The following NPPB variants were observed in gnomAD, a reference collection of about 807,000 sequenced individuals.
NPPB encodes the protein natriuretic peptides B.
NPPB carries 13 observed loss-of-function variants against 12.7 expected under a neutral mutation model. That is an observed-to-expected ratio of 1.03 (90% CI 0.67 to 1.63). The LOEUF is 1.63. Ranked by LOEUF, NPPB falls within the 40% of genes most tolerant of loss-of-function variation. The probability of loss-of-function intolerance (pLI) is 0.00; values close to 1 mark genes in which losing one functional copy is unlikely to be tolerated. For synonymous variants in NPPB, 66 were observed against 74.7 expected (o/e 0.88, Z 0.60); for missense variants, 184 against 172.9 (o/e 1.06, Z -0.36).
chr1:11,858,387 C>G lies in NPPB; in HGVS notation c.215G>C (p.Arg72Pro), dbSNP rs61761991. The G allele has an allele frequency of 2.5e-6, 4 of 1,598,684 alleles. No homozygotes were observed. The Admixed American group carries it at 5.2e-5, about 21-fold the overall frequency. Residue 72 changes from arginine (R) to proline (P), a missense_variant, in exon 2 of 3, where the codon CGT becomes CCT. Physicochemically the swap from Arg to Pro is moderately radical, Grantham distance 103. Transcript: ENST00000376468. ...CCGGGACTTCCAGACACCTGTGGGA[C>G]GGGGGCTCTCCTGGAGGGGCTCCAG... ...TSLEPLQESP[R>P]PTGVWKSREV... is the part of the protein sequence containing the mutation.
At chr1:11,858,181 G>A (rs376156887) in intron 2 of NPPB, 33 bp downstream of exon 2, 5 of 1,562,534 alleles carry the variant, frequency 3.2e-6, no homozygotes, top group Non-Finnish European at 4.3e-6. Flanking sequence ...ACTGGAATGG[G>A]GGAAGGCGGC....
In NPPB at chr1:11,858,346, C is replaced by A; in HGVS notation, c.256G>T (p.Gly86Cys). The change falls in exon 2 of 3, where the codon GGC becomes TGC. Residue 86 changes from glycine (G) to cysteine (C), a missense_variant. Transcript: ENST00000376468. ...VWKSREVATE[G>C]IRGHRKMVLY... ...ACCATTTTGCGGTGCCCACGGATGC[C>A]CTCGGTGGCTACCTCCCGGGACTTC... 1 of 1,612,218 alleles carries A rather than the reference C, an allele frequency of 6.2e-7. No homozygotes were observed. The highest frequency in any genetic ancestry group is 1.7e-4 in the Middle Eastern group (1 of 6,058).
In NPPB at chr1:11,857,603, G is replaced by A. The variant is rs1440441660; in HGVS notation, c.*52C>T. The A allele has an allele frequency of 1.3e-6, 2 of 1,599,990 alleles. No homozygotes were observed. The highest frequency in any genetic ancestry group is 1.7e-6 in the Non-Finnish European group (2 of 1,167,340). ...CTTCAAAGGCGGCCACAGGGTTGAG[G>A]AAAAAGCCCCTTGTGGAATCAGAAG... On this transcript the variant is annotated 3_prime_UTR_variant, in exon 3 of 3. Coordinates refer to ENST00000376468, the MANE Select transcript of NPPB (RefSeq NM_002521.3).
At position 11,858,718 on chromosome 1, in the gene NPPB, TC is replaced by T; in HGVS notation, c.115del (p.Glu39LysfsTer44). On this transcript the variant is annotated frameshift_variant, in exon 1 of 3. Coordinates refer to ENST00000376468, the MANE Select transcript of NPPB (RefSeq NM_002521.3). LOFTEE classifies it high-confidence loss of function. The stretch of plus-strand genomic sequence containing the variant: ...CGCTCTCACCTGTAACCCGGACGTT[TC>T]CAAGTCCGAGGCTGAACCGGGGCTG... The part of the protein sequence containing the change: ...LGSPGSASDL[E>X]TSGLQEQRNH... 1 of 1,614,142 alleles carries T rather than the reference TC, an allele frequency of 6.2e-7. No individual in the cohort carries two copies. Among genetic ancestry groups the T allele is most frequent in the East Asian group, 2.2e-5 (1 of 44,876 alleles).
Position 11,858,269 on chromosome 1 carries a change from G to A in NPPB, c.333C>T (p.Gly111=). 2.5e-6 allele frequency: 4 copies of A among 1,614,074 alleles called. No homozygotes were observed. The highest frequency in any genetic ancestry group is 1.1e-5 in the South Asian group (1 of 91,064). ...PRSPKMVQGS[G]CFGRKMDRIS... ...TCCGGTCCATCTTCCTCCCAAAGCA[G>A]CCAGACCCTTGCACCATCTTGGGGC... Residue 111 remains glycine, a synonymous_variant, in exon 2 of 3, where the codon GGC becomes GGT. Transcript: ENST00000376468.
rs762130527 is a variant in NPPB, at chr1:11,858,486, C to A, written c.133-17G>T. ...GCGCTGCTCCTGCAATGAATGGGGG[C>A]GTCCAAGCCTCAGGGACCCACCCCT... On this transcript the variant is annotated splice_polypyrimidine_tract_variant and intron_variant, in intron 1 of 2. Transcript: ENST00000376468. 6.5e-7 allele frequency: 1 copy of A among 1,531,136 alleles called. No individual in the cohort carries two copies. Among genetic ancestry groups the A allele is most frequent in the Admixed American group, 2.1e-5 (1 of 47,012 alleles). 94.8% of individuals were successfully genotyped at this position (1,531,136 alleles called of 1,614,324 possible).
intron 2 of NPPB, 77 bp from the exon 3 acceptor site, chr1:11,857,748 C>A: frequency 7.1e-7 from 1 of 1,414,486 alleles, no homozygotes. Context: ...TCATCGTGTG[C>A]CACCCACCAC....
At chr1:11,858,588 T>C in intron 1 of NPPB, 114 bp downstream of exon 1, 2 of 1,589,494 alleles carry the variant, frequency 1.3e-6, no homozygotes, top group South Asian at 2.2e-5. Context: ...GTCTCTCCAT[T>C]TTCTGATTCC....
Position 11,858,760 on chromosome 1 carries a change from C to T in NPPB, c.74G>A (p.Arg25His). ...LFLHLAFLGG[R>H]SHPLGSPGSA... ...ACCGGGGCTGCCCAGCGGGTGGGAA[C>T]GACCTCCCAGGAAAGCCAGATGCAA... Residue 25 changes from arginine to histidine, a missense_variant, in exon 1 of 3, where the codon CGT becomes CAT. Physicochemically the swap from Arg to His is conservative, Grantham distance 29. Transcript: ENST00000376468. 1 of 1,614,136 alleles carries T rather than the reference C, an allele frequency of 6.2e-7. No homozygotes were observed. The highest frequency in any genetic ancestry group is 8.5e-7 in the Non-Finnish European group (1 of 1,180,030).
In NPPB at chr1:11,858,440, C is replaced by A. The variant is rs1163367379; in HGVS notation, c.162G>T (p.Leu54=). The change falls in exon 2 of 3, where the codon CTG becomes CTT. Residue 54 remains leucine (L), a synonymous_variant. Transcript: ENST00000376468. ...ATGTCTGCTCCACCTGCAGCTCCGA[C>A]AGTTTGCCCTGCAAATGGTTGCGCT... ...QEQRNHLQGK[L]SELQVEQTSL... The A allele has an allele frequency of 6.5e-7, 1 of 1,546,654 alleles. No homozygotes were observed. Among genetic ancestry groups the A allele is most frequent in the Non-Finnish European group, 8.7e-7 (1 of 1,146,242 alleles).
Position 11,857,596 on chromosome 1 carries a change from G to A in NPPB, c.*59C>T. On this transcript the variant is annotated 3_prime_UTR_variant, in exon 3 of 3. Transcript: ENST00000376468. Reference sequence around the variant, plus strand: ...TGAGTCACTTCAAAGGCGGCCACAGGGTTGAGGAAAAAGCCCCTTGTGGAA... The same window carrying A: ...TGAGTCACTTCAAAGGCGGCCACAGAGTTGAGGAAAAAGCCCCTTGTGGAA... 1.3e-6 allele frequency: 2 copies of A among 1,573,924 alleles called. No homozygotes were observed. The highest frequency in any genetic ancestry group is 1.1e-5 in the South Asian group (1 of 90,132).
At position 11,858,560 on chromosome 1, in the gene NPPB, A is replaced by G. The variant is rs1211865224; in HGVS notation, c.133-91T>C. ...CCCAAGTGAACCGACTGCCTTGGGT[A>G]CAGGGTCAGGGCACCCAGTCTCTCC... On this transcript the variant is annotated intron_variant, in intron 1 of 2. Transcript: ENST00000376468. 2.5e-6 allele frequency: 4 copies of G among 1,568,898 alleles called. No individual in the cohort carries two copies. The African/African-American group carries it at 5.5e-5, about 22-fold the overall frequency.
Position 11,857,671 on chromosome 1 carries a change from A to G in NPPB, c.389T>C (p.Val130Ala), listed in dbSNP as rs1347669347. 2 of 1,613,988 alleles carry G rather than the reference A, an allele frequency of 1.2e-6. No homozygotes were observed. The highest frequency in any genetic ancestry group is 2.2e-5 in the South Asian group (2 of 91,050). ...ISSSSGLGCK[V>A]LRRH Reference sequence around the variant, plus strand: ...GACTTCCTCTTAATGCCGCCTCAGCACTGTCAGGGAAAGAGAGAGGGTGAT... The same window carrying G: ...GACTTCCTCTTAATGCCGCCTCAGCGCTGTCAGGGAAAGAGAGAGGGTGAT... The change falls in exon 3 of 3, where the codon GTG becomes GCG. Residue 130 changes from valine to alanine, a missense_variant and splice_region_variant. Coordinates refer to ENST00000376468, the MANE Select transcript of NPPB (RefSeq NM_002521.3).
At chr1:11,858,519 C>T (rs1003952553) in intron 1 of NPPB, 50 bp from the exon 2 acceptor site, 2 of 1,539,838 alleles carry the variant, frequency 1.3e-6, no homozygotes, top group African/African-American at 2.8e-5. Context: ...CCTGGGCTCA[C>T]CAGCCCTTCA....
In NPPB at chr1:11,858,897, C is replaced by G. The variant is rs1645137294; in HGVS notation, c.-64G>C. Reference sequence around the variant, plus strand: ...TGCTGCTGCTGCTGCTGCTGCGATGCGTCCGGGTTTGCTTCCCACCTGCCC... The same window carrying G: ...TGCTGCTGCTGCTGCTGCTGCGATGGGTCCGGGTTTGCTTCCCACCTGCCC... On this transcript the variant is annotated 5_prime_UTR_variant, in exon 1 of 3. Transcript: ENST00000376468. The G allele has an allele frequency of 1.9e-6, 3 of 1,596,712 alleles. No homozygotes were observed. The highest frequency in any genetic ancestry group is 1.8e-4 in the Middle Eastern group (1 of 5,534).
chr1:11,858,660 A>G lies in NPPB; in HGVS notation c.132+42T>C, dbSNP rs1461912758. 2.5e-6 allele frequency: 4 copies of G among 1,613,832 alleles called. No homozygotes were observed. In the East Asian group the frequency reaches 6.7e-5, roughly 27 times the overall value. ...TGGGACAGCAGGTGAGGACCCTTTC[A>G]TTGCTGCTGTCCAATCCCCCTGAGC... On this transcript the variant is annotated intron_variant, in intron 1 of 2. Transcript: ENST00000376468.
intron 2 of NPPB, 111 bp from the exon 3 acceptor site, chr1:11,857,782 G>T: frequency 9.4e-7 from 1 of 1,069,196 alleles, no homozygotes; most frequent in Non-Finnish European, 1.4e-6. Context: ...AGACGTTTGA[G>T]GCTTAATGCA....
chr1:11,858,870 T>TCTGCTGCTG lies in NPPB; in HGVS notation c.-46_-38dup, dbSNP rs35519114. The TCTGCTGCTG allele has an allele frequency of 2.6e-4, 420 of 1,607,776 alleles. No homozygotes were observed. In the African/African-American group the frequency reaches 4.6e-3, roughly 17 times the overall value. On this transcript the variant is annotated 5_prime_UTR_variant, in exon 1 of 3. Transcript: ENST00000376468. ...GACTGCGGAGGCTGCTGCTGCTGCT[T>TCTGCTGCTG]CTGCTGCTGCTGCTGCTGCTGCGAT...
rs367805474 is a variant in NPPB at position 11,857,662 on chromosome 1, C to A, written c.398G>T (p.Arg133Leu). The change falls in exon 3 of 3, where the codon CGG (arginine) becomes CTG (leucine). Residue 133 changes from arginine (R) to leucine (L), a missense_variant. By Grantham distance (102) the Arg-to-Leu change is moderately radical (BLOSUM62 -2). Coordinates refer to ENST00000376468, the MANE Select transcript of NPPB (RefSeq NM_002521.3). The part of the protein sequence containing the change: ...SSGLGCKVLR[R>L]H ...TGCAGCCAGGACTTCCTCTTAATGC[C>A]GCCTCAGCACTGTCAGGGAAAGAGA... is the stretch of plus-strand genomic sequence containing the variant. 2 of 1,613,964 alleles carry A rather than the reference C, an allele frequency of 1.2e-6. No individual in the cohort carries two copies.
Sources: gnomAD v4.1 joint callset for allele counts on GRCh38, gnomAD v4.1.1 for gene constraint, MANE v1.5 for transcripts, NCBI Gene and HGNC (gene_info 2026-07-23, HGNC 2026-07-21) for gene names.